The following FGF5 variants were observed in gnomAD, a reference collection of about 807,000 sequenced individuals.
The protein encoded by FGF5 is heparin-binding growth factor 5.
In FGF5, 23 loss-of-function variants were observed where a neutral mutation model predicts 21.8. That is an observed-to-expected ratio of 1.05 (90% CI 0.76 to 1.49). FGF5 has a LOEUF of 1.49. Among genes scored for constraint, FGF5 ranks in the 40% most tolerant of loss-of-function variants. The pLI is 0.00. For missense variants in FGF5, 352 were observed against 332.9 expected (o/e 1.06, Z -0.45); for synonymous variants, 158 against 124.0 (o/e 1.27, Z -1.82).
In FGF5 at chr4:80,288,262, T is replaced by C. The variant is rs1040121765; in HGVS notation, c.*1590T>C. On this transcript the variant is annotated 3_prime_UTR_variant, in exon 3 of 3. Coordinates refer to ENST00000312465, the MANE Select transcript of FGF5 (RefSeq NM_004464.4). ...AATACAAAGTGGAAACTTACCAAAA[T>C]TGAACTAGCTACCATATAAGCAGAT... 11 of 152,266 alleles carry C rather than the reference T, an allele frequency of 7.2e-5. 1 individual carries two copies. In the South Asian group the frequency reaches 1.7e-3, roughly 23 times the overall value. 9.4% of individuals were successfully genotyped at this position (152,266 alleles called of 1,614,324 possible). A position where few individuals can be genotyped will look rare whatever the true frequency, so the allele number is the denominator to read the frequency against.
rs1720834891 is a variant in FGF5, at chr4:80,289,395, T to C, written c.*2723T>C. ...ATAAATATAAGTCTATACTAATGCT[T>C]ACAACTTTCTAAGAGGGTTCTTGCT... On this transcript the variant is annotated 3_prime_UTR_variant, in exon 3 of 3. Coordinates refer to ENST00000312465, the MANE Select transcript of FGF5 (RefSeq NM_004464.4). 1 of 152,194 alleles carries C rather than the reference T, an allele frequency of 6.6e-6. No homozygotes were observed. Among genetic ancestry groups the C allele is most frequent in the Admixed American group, 6.5e-5 (1 of 15,274 alleles). The allele number at this position is 152,194 out of a possible 1,614,324, so 9.4% of individuals were successfully genotyped here.
At chr4:80,285,181 A>G (rs1481668550) in intron 2 of FGF5, among the ~76,000 whole-genome samples, 1 of 152,154 alleles carries the variant, frequency 6.6e-6, no homozygotes, top group African/African-American at 2.4e-5. Context: ...CTCCAAGTTC[A>G]CACTCTTCCC....
Position 80,286,414 on chromosome 4 carries a change from AAC to A in FGF5, c.551_552del (p.Thr184ArgfsTer10). The A allele has an allele frequency of 1.9e-6, 3 of 1,614,018 alleles. No homozygotes were observed. The highest frequency in any genetic ancestry group is 2.5e-6 in the Non-Finnish European group (3 of 1,179,962). On this transcript the variant is annotated frameshift_variant, in exon 3 of 3. Transcript: ENST00000312465. LOFTEE classifies it high-confidence loss of function. ...YASAIHRTEK[T>X]GREWYVALNK... The stretch of plus-strand genomic sequence containing the variant: ...CCTCAGCAATACATAGAACTGAAAA[AAC>A]AGGGCGGGAGTGGTATGTGGCCCTG...
intron 2 of FGF5, among the ~76,000 whole-genome samples, chr4:80,281,160 T>C (rs1246030111): frequency 6.6e-6 from 1 of 152,034 alleles, no homozygotes; most frequent in Non-Finnish European, 1.5e-5. Context: ...ACACAGCTTA[T>C]ATAGTAAAGA....
Position 80,287,045 on chromosome 4 carries a change from A to T in FGF5, c.*373A>T, listed in dbSNP as rs1219242264. 6.0e-6 allele frequency: 1 copy of T among 165,354 alleles called. No homozygotes were observed. The highest frequency in any genetic ancestry group is 2.4e-5 in the African/African-American group (1 of 41,984). The allele number at this position is 165,354 out of a possible 1,614,324, so 10.2% of individuals were successfully genotyped here. ...CATTTTTATTTTTGGTTTCCAAAGA[A>T]TATTTTGATGCAGATAAAATATTTT... On this transcript the variant is annotated 3_prime_UTR_variant, in exon 3 of 3. Transcript: ENST00000312465.
rs145215382 is a variant in FGF5, at chr4:80,286,832, T to C, written c.*160T>C. The C allele has an allele frequency of 9.5e-5, 58 of 608,838 alleles. No homozygotes were observed. In the African/African-American group the frequency reaches 1.0e-3, roughly 11 times the overall value. The allele number at this position is 608,838 out of a possible 1,614,324, so 37.7% of individuals were successfully genotyped here. On this transcript the variant is annotated 3_prime_UTR_variant, in exon 3 of 3. Transcript: ENST00000312465. ...CAATGTGACTGAAACAAAATGTTTT[T>C]TGATAGGAAGGAAACTGGAATTCTT...
chr4:80,278,056 T>C (rs865879326), intron 2 of FGF5, among the ~76,000 whole-genome samples: 1 of 152,164 alleles, frequency 6.6e-6, no homozygotes, highest in Non-Finnish European at 1.5e-5. Flanking sequence ...CAGAACTATA[T>C]CCTCCTAGAA....
chr4:80,269,055 T>G (rs1195782913), intron 1 of FGF5, among the ~76,000 whole-genome samples: 1 of 152,162 alleles, frequency 6.6e-6, no homozygotes, highest in African/African-American at 2.4e-5. Flanking sequence ...AAAACTTTCT[T>G]TCTTCTGTTC....
Position 80,274,892 on chromosome 4 carries a change from G to A in FGF5, c.356-17G>A, listed in dbSNP as rs764887872. 4 of 1,141,964 alleles carry A rather than the reference G, an allele frequency of 3.5e-6. No homozygotes were observed. Among genetic ancestry groups the A allele is most frequent in the Non-Finnish European group, 5.3e-6 (4 of 761,352 alleles). The allele number at this position is 1,141,964 out of a possible 1,614,324, so 70.7% of individuals were successfully genotyped here. A position where few individuals can be genotyped will look rare whatever the true frequency, so the allele number is the denominator to read the frequency against. On this transcript the variant is annotated splice_polypyrimidine_tract_variant and intron_variant, in intron 1 of 2. Coordinates refer to ENST00000312465, the MANE Select transcript of FGF5 (RefSeq NM_004464.4). Reference sequence around the variant, plus strand: ...AATAAGAGCCTGTGTTTTATTTTGGGATTTCTGTCATCCTAGGTGTTTTGG... The same window carrying A: ...AATAAGAGCCTGTGTTTTATTTTGGAATTTCTGTCATCCTAGGTGTTTTGG...
chr4:80,270,094 T>C (rs1022114502), intron 1 of FGF5, among the ~76,000 whole-genome samples: 26 of 152,360 alleles, frequency 1.7e-4, no homozygotes, highest in African/African-American at 5.5e-4. Flanking sequence ...TGAGGAAATG[T>C]GTTTAAATCT....
chr4:80,274,131 G>T (rs1038629901), intron 1 of FGF5, among the ~76,000 whole-genome samples: 2 of 152,080 alleles, frequency 1.3e-5, no homozygotes, highest in Non-Finnish European at 2.9e-5. Context: ...TAATTCTCTT[G>T]ATCCAGTGGA....
At chr4:80,270,023 G>A (rs1464719179) in intron 1 of FGF5, among the ~76,000 whole-genome samples, 1 of 152,240 alleles carries the variant, frequency 6.6e-6, no homozygotes, top group African/African-American at 2.4e-5. Flanking sequence ...GAAGGCAGTA[G>A]TTGATGTTTC....
At chr4:80,280,173 A>AT (rs895151059) in intron 2 of FGF5, among the ~76,000 whole-genome samples, 7 of 152,204 alleles carry the variant, frequency 4.6e-5, no homozygotes, top group African/African-American at 7.2e-5. Flanking sequence ...TGAAAAGAAT[A>AT]TTTTTTTGCC....
chr4:80,284,406 C>T (rs1304934465), intron 2 of FGF5, among the ~76,000 whole-genome samples: 1 of 152,146 alleles, frequency 6.6e-6, no homozygotes, highest in Non-Finnish European at 1.5e-5. Flanking sequence ...TGCACTCCAG[C>T]CTGGCCAACA....
chr4:80,271,904 A>T (rs544664967), intron 1 of FGF5, among the ~76,000 whole-genome samples: 14 of 152,236 alleles, frequency 9.2e-5, no homozygotes, highest in Non-Finnish European at 1.9e-4. Flanking sequence ...AATTACGTAG[A>T]ATTCCTGAAT....
chr4:80,284,946 G>A (rs1228886647), intron 2 of FGF5, among the ~76,000 whole-genome samples: 5 of 152,062 alleles, frequency 3.3e-5, no homozygotes, highest in Admixed American at 6.6e-5. Context: ...TCTCAAACAC[G>A]GGAATTCTGT....
At position 80,280,897 on chromosome 4, in the gene FGF5, A is replaced by G. The variant is rs35849975; in HGVS notation, c.460-5428A>G. On this transcript the variant is annotated intron_variant, in intron 2 of 2. Coordinates refer to ENST00000312465, the MANE Select transcript of FGF5 (RefSeq NM_004464.4). ...TTAGAAAAACACAGTCCCTGGAGATAGGGCTTGAGGAGCTGCATTTGAGCC... is the reference window on the plus strand; with the variant it reads ...TTAGAAAAACACAGTCCCTGGAGATGGGGCTTGAGGAGCTGCATTTGAGCC... 1.9e-3 allele frequency among the ~76,000 whole-genome samples: 292 copies of G among 152,244 alleles called. 1 individual carries two copies. The highest frequency in any genetic ancestry group is 6.0e-3 in the African/African-American group (250 of 41,558).
At chr4:80,270,380 T>G (rs79626880) in intron 1 of FGF5, among the ~76,000 whole-genome samples, 1 of 151,920 alleles carries the variant, frequency 6.6e-6, no homozygotes, top group South Asian at 2.1e-4. Context: ...TTTTTTTTTT[T>G]GCAAATTGCA....
chr4:80,266,785 A>G lies in FGF5; in HGVS notation c.-40A>G. ...CACAGGGGCTACAGAGCCCAGAATCAGCCCTACAAGATGCACTTAGGACCC... is the reference window on the plus strand; with the variant it reads ...CACAGGGGCTACAGAGCCCAGAATCGGCCCTACAAGATGCACTTAGGACCC... On this transcript the variant is annotated 5_prime_UTR_variant, in exon 1 of 3. Coordinates refer to ENST00000312465, the MANE Select transcript of FGF5 (RefSeq NM_004464.4). 2 of 1,490,484 alleles carry G rather than the reference A, an allele frequency of 1.3e-6. No individual in the cohort carries two copies. The highest frequency in any genetic ancestry group is 1.8e-6 in the Non-Finnish European group (2 of 1,109,938). The allele number at this position is 1,490,484 out of a possible 1,614,324, so 92.3% of individuals were successfully genotyped here.
Sources: gnomAD v4.1 joint callset for allele counts (sites outside exome capture counted in the v4.1 genomes callset) on GRCh38, gnomAD v4.1.1 for gene constraint, MANE v1.5 for transcripts, NCBI Gene and HGNC (gene_info 2026-07-23, HGNC 2026-07-21) for gene names.